The following PKP4 variants were observed in gnomAD, a reference collection of about 807,000 sequenced individuals.
PKP4 encodes the protein plakophilin-4.
Under a neutral mutation model 145.1 loss-of-function variants are expected in PKP4, and 90 were observed. The ratio of observed to expected loss-of-function variants is 0.62; its 90% CI spans 0.52 to 0.74. The LOEUF is 0.74. Among genes scored for constraint, PKP4 ranks in the 30% least tolerant of loss-of-function variants. The pLI, the probability that PKP4 is intolerant of heterozygous loss-of-function variation, is 0.00. For missense variants in PKP4, 1,340 were observed against 1,482.7 expected (o/e 0.90, Z 1.58); for synonymous variants, 563 against 577.2 (o/e 0.98, Z 0.35).
At chr2:158,583,721 A>T (rs1184508384) in intron 3 of PKP4, among the ~76,000 whole-genome samples, 2 of 152,116 alleles carry the variant, frequency 1.3e-5, no homozygotes, top group Non-Finnish European at 2.9e-5. Context: ...TCTTAAAAAA[A>T]TTTATTTTTT....
intron 2 of PKP4, among the ~76,000 whole-genome samples, chr2:158,576,411 CAG>C (rs1243774042): frequency 6.6e-6 from 1 of 152,186 alleles, no homozygotes; most frequent in African/African-American, 2.4e-5. Flanking sequence ...CAGTATGGCA[CAG>C]GGGAGCTTGA....
chr2:158,666,339 C>A, intron 15 of PKP4, 74 bp from the exon 16 acceptor site: 1 of 1,250,066 alleles, frequency 8.0e-7, no homozygotes, highest in South Asian at 2.1e-5. Context: ...TTGGAAACAT[C>A]TTTTTTAGGT....
chr2:158,486,402 G>A (rs928782497), intron 1 of PKP4, among the ~76,000 whole-genome samples: 3 of 152,162 alleles, frequency 2.0e-5, no homozygotes, highest in Admixed American at 6.5e-5. Context: ...AATGGGTTTT[G>A]GGAAAACGTA....
At chr2:158,589,542 A>G (rs1247663145) in intron 3 of PKP4, among the ~76,000 whole-genome samples, 1 of 152,130 alleles carries the variant, frequency 6.6e-6, no homozygotes, top group Non-Finnish European at 1.5e-5. Flanking sequence ...GAAACTCTGA[A>G]GCGCTTGATA....
rs766454608 is a variant in PKP4 at position 158,666,495 on chromosome 2, G to C, written c.2660G>C (p.Arg887Thr). The C allele has an allele frequency of 1.9e-6, 3 of 1,613,800 alleles. No individual in the cohort carries two copies. The highest frequency in any genetic ancestry group is 2.5e-6 in the Non-Finnish European group (3 of 1,179,840). The stretch of plus-strand genomic sequence containing the variant: ...GAGCTTCTGAGAATGGATAACGATA[G>C]AGTTGTTTCTTCCGTGGCAACAGCC... ...LVELLRMDND[R>T]VVSSVATALR... Residue 887 changes from arginine (R) to threonine (T), a missense_variant, in exon 16 of 22, where the codon AGA becomes ACA. By Grantham distance (71) the Arg-to-Thr change is moderately conservative. Transcript: ENST00000389759.
chr2:158,620,208 A>G (rs919097106), intron 4 of PKP4, among the ~76,000 whole-genome samples: 21 of 152,296 alleles, frequency 1.4e-4, no homozygotes, highest in African/African-American at 5.1e-4. Flanking sequence ...GGGAAAATAC[A>G]TTTTGAAGAT....
rs759617198 is a variant in PKP4, at chr2:158,533,188, C to T, written c.4C>T (p.Pro2Ser). M[P>S]APEQASLVEE... is the part of the protein sequence containing the mutation. ...TGCCTGCTTGATTGCAGGAGGAATG[C>T]CAGCTCCTGAGCAGGCCTCATTGGT... is the stretch of plus-strand genomic sequence containing the variant. The change falls in exon 2 of 22, where the codon CCA becomes TCA. Residue 2 changes from proline to serine, a missense_variant. Transcript: ENST00000389759. 1 of 1,609,960 alleles carries T rather than the reference C, an allele frequency of 6.2e-7. No individual in the cohort carries two copies. Among genetic ancestry groups the T allele is most frequent in the Non-Finnish European group, 8.5e-7 (1 of 1,178,574 alleles).
chr2:158,623,100 G>T (rs1311860085), intron 6 of PKP4, among the ~76,000 whole-genome samples: 1 of 152,038 alleles, frequency 6.6e-6, no homozygotes, highest in African/African-American at 2.4e-5. Context: ...CTTCATTTTG[G>T]TAGTTGCAAG....
intron 1 of PKP4, among the ~76,000 whole-genome samples, chr2:158,496,336 G>A (rs1282665922): frequency 2.6e-5 from 4 of 152,084 alleles, no homozygotes; most frequent in Non-Finnish European, 1.5e-5. Flanking sequence ...CCTAATAAAT[G>A]CCATGTTATA....
chr2:158,523,270 G>A (rs1310114544), intron 1 of PKP4, among the ~76,000 whole-genome samples: 7 of 145,680 alleles, frequency 4.8e-5, no homozygotes, highest in African/African-American at 1.0e-4. Context: ...CTCCCAGCAC[G>A]CAGATGGAGA....
intron 2 of PKP4, among the ~76,000 whole-genome samples, chr2:158,550,143 A>AATCTATTAAATTCTATTTAT (rs2045478821): frequency 6.8e-6 from 1 of 147,044 alleles, no homozygotes. Flanking sequence ...TGCCAAGAAG[A>AATCTATTAAATTCTATTTAT]AGTTAAACAA....
intron 2 of PKP4, chr2:158,548,838 G>C (rs1286230965): frequency 4.5e-6 from 1 of 219,906 alleles, no homozygotes; most frequent in East Asian, 1.5e-4. Flanking sequence ...TGTCCTTCGA[G>C]TAGGGGTTAA....
intron 11 of PKP4, among the ~76,000 whole-genome samples, chr2:158,646,436 T>C (rs1359906162): frequency 6.6e-6 from 1 of 152,200 alleles, no homozygotes; most frequent in Admixed American, 6.5e-5. Flanking sequence ...TACCTAAACA[T>C]TGTCTAACTA....
chr2:158,471,792 A>G (rs1691610650), intron 1 of PKP4, among the ~76,000 whole-genome samples: 1 of 152,232 alleles, frequency 6.6e-6, no homozygotes, highest in African/African-American at 2.4e-5. Context: ...TTGAAAAGTA[A>G]TTCCTTTTTT....
At chr2:158,612,669 T>G (rs904857730) in intron 4 of PKP4, among the ~76,000 whole-genome samples, 1 of 152,258 alleles carries the variant, frequency 6.6e-6, no homozygotes, top group African/African-American at 2.4e-5. Flanking sequence ...ATTTAAAATT[T>G]TAATAAGTTA....
intron 11 of PKP4, among the ~76,000 whole-genome samples, chr2:158,650,629 G>A (rs2055272501): frequency 6.6e-6 from 1 of 152,172 alleles, no homozygotes; most frequent in African/African-American, 2.4e-5. Context: ...TCTGTGACCA[G>A]CCCAGTTCCT....
At chr2:158,662,654 G>A (rs2056708856) in intron 13 of PKP4, 1 of 344,350 alleles carries the variant, frequency 2.9e-6, no homozygotes, top group Admixed American at 4.3e-5. Flanking sequence ...GGAGCCTCAA[G>A]CATTTCGGTC....
chr2:158,491,564 T>C (rs1352220366), intron 1 of PKP4, among the ~76,000 whole-genome samples: 1 of 152,070 alleles, frequency 6.6e-6, no homozygotes, highest in Non-Finnish European at 1.5e-5. Context: ...AATCTTATGT[T>C]GATTTGAGGG....
At chr2:158,663,166 A>C in intron 14 of PKP4, 78 bp downstream of exon 14, 2 of 1,502,468 alleles carry the variant, frequency 1.3e-6, no homozygotes, top group Non-Finnish European at 1.8e-6. Context: ...GCAAGAAAAT[A>C]AATTTTCTGC....
Sources: allele counts gnomAD v4.1 joint callset (sites outside exome capture counted in the v4.1 genomes callset), GRCh38; gene constraint gnomAD v4.1.1; transcripts MANE v1.5; gene names NCBI Gene and HGNC (gene_info 2026-07-23, HGNC 2026-07-21).